Variants in WNK2 observed in about 807,000 individuals in gnomAD.
WNK2 encodes the protein WNK lysine deficient protein kinase 2.
Under a neutral mutation model 192.1 loss-of-function variants are expected in WNK2, and 67 were observed. The observed-to-expected ratio is 0.35, with a 90% CI of 0.29 to 0.43. The LOEUF (loss-of-function observed/expected upper bound fraction) is 0.43, where lower values mean the gene tolerates loss of function less well. Among genes scored for constraint, WNK2 ranks in the 20% least tolerant of loss-of-function variants. The pLI is 1.00. For synonymous variants in WNK2, 1,439 were observed against 1,393.9 expected, an observed-to-expected ratio of 1.03 and a Z score of -0.72; for missense variants, 2,698 against 3,089.7, an observed-to-expected ratio of 0.87 and a Z score of 3.01.
intron 29 of WNK2, chr9:93,318,624 C>A: frequency 6.3e-7 from 1 of 1,587,348 alleles, no homozygotes. Context: ...ACAAGTGCAG[C>A]TCCTCCAGCT....
In WNK2 at chr9:93,261,828, C is replaced by T. The variant is rs989061620; in HGVS notation, c.3081C>T (p.His1027=). 1 of 1,591,760 alleles carries T rather than the reference C, an allele frequency of 6.3e-7. No individual in the cohort carries two copies. Among genetic ancestry groups the T allele is most frequent in the South Asian group, 1.1e-5 (1 of 90,850 alleles). The stretch of plus-strand genomic sequence containing the variant: ...TGTGCCCCCAGATTCTGCTTGGCCA[C>T]CCAGCTCCCTATGCTGTGGACGTCG... ...ATPGSQILLG[H]PAPYAVDVAA... Residue 1027 remains histidine (H), a synonymous_variant, in exon 13 of 30, where the codon CAC becomes CAT. Coordinates refer to ENST00000427277, the MANE Select transcript of WNK2 (RefSeq NM_006648.4).
chr9:93,304,517 C>T lies in WNK2; in HGVS notation c.6215-2260C>T, dbSNP rs545469012. Among the ~76,000 whole-genome samples the T allele has an allele frequency of 2.1e-4, 32 of 152,374 alleles. No individual in the cohort carries two copies. The East Asian group carries it at 5.6e-3, about 27-fold the overall frequency. ...GGCCTGGCTGGGGATGGAAGCCCCA[C>T]AGGGAGACCGAGGTGGGCCTGGCGT... On this transcript the variant is annotated intron_variant, in intron 26 of 29. Coordinates refer to ENST00000427277, the MANE Select transcript of WNK2 (RefSeq NM_006648.4).
At chr9:93,225,965 A>G (rs574242739) in intron 2 of WNK2, among the ~76,000 whole-genome samples, 2 of 149,462 alleles carry the variant, frequency 1.3e-5, no homozygotes, top group South Asian at 4.4e-4. Context: ...TGTGTTGTGG[A>G]AACATTTCTT....
chr9:93,210,516 C>T (rs1202535610), intron 2 of WNK2, among the ~76,000 whole-genome samples: 1 of 152,078 alleles, frequency 6.6e-6, no homozygotes, highest in South Asian at 2.1e-4. Context: ...CCTTCCTGTG[C>T]GCGTGGGTGC....
At position 93,234,764 on chromosome 9, in the gene WNK2, G is replaced by A. The variant is rs376505814; in HGVS notation, c.1076-44G>A. 2.6e-5 allele frequency: 41 copies of A among 1,589,982 alleles called. No individual in the cohort carries two copies. In the African/African-American group the frequency reaches 4.3e-4, roughly 17 times the overall value. ...GGACACTGGCTCCAGCTCTTCCTGG[G>A]CCCGTGGCCAGCTGACAGCTGCGTC... is the stretch of plus-strand genomic sequence containing the variant. On this transcript the variant is annotated intron_variant, in intron 4 of 29. Coordinates refer to ENST00000427277, the MANE Select transcript of WNK2 (RefSeq NM_006648.4).
At chr9:93,295,589 G>A (rs1172927339) in intron 23 of WNK2, among the ~76,000 whole-genome samples, 2 of 151,962 alleles carry the variant, frequency 1.3e-5, no homozygotes, top group Non-Finnish European at 2.9e-5. Context: ...GTGAAGGCAA[G>A]GGGTTACAGG....
At chr9:93,263,884 GC>G in intron 15 of WNK2, 32 bp from the exon 16 acceptor site, 5 of 1,554,710 alleles carry the variant, frequency 3.2e-6, no homozygotes, top group Non-Finnish European at 4.4e-6. Context: ...GTGTGGGTAC[GC>G]CCGTGGTGGG....
chr9:93,264,217 T>C (rs566393376), intron 16 of WNK2, among the ~76,000 whole-genome samples, 184 bp downstream of exon 16: 65 of 152,260 alleles, frequency 4.3e-4, no homozygotes, highest in African/African-American at 1.5e-3. Context: ...CGGAAACCCC[T>C]TGGGTTTGGA....
intron 2 of WNK2, among the ~76,000 whole-genome samples, chr9:93,228,555 G>T (rs1459275734): frequency 6.6e-6 from 1 of 152,194 alleles, no homozygotes; most frequent in Non-Finnish European, 1.5e-5. Flanking sequence ...GTGCAACAGA[G>T]GCAGGCATTG....
chr9:93,248,602 C>T (rs1842118101), intron 8 of WNK2, among the ~76,000 whole-genome samples: 1 of 152,226 alleles, frequency 6.6e-6, no homozygotes, highest in African/African-American at 2.4e-5. Context: ...GGGGACCTCC[C>T]ATCCCCCGTA....
At chr9:93,281,626 A>G (rs138648723) in intron 19 of WNK2, among the ~76,000 whole-genome samples, 8 of 152,312 alleles carry the variant, frequency 5.3e-5, no homozygotes, top group African/African-American at 1.9e-4. Flanking sequence ...AAGTTTGAAG[A>G]GATAATGCAG....
intron 16 of WNK2, 107 bp downstream of exon 16, chr9:93,264,140 C>T (rs980246518): frequency 4.4e-5 from 38 of 870,970 alleles, no homozygotes; most frequent in South Asian, 8.9e-5. Context: ...GTGGAGGTGT[C>T]GGTTGGCCCA....
chr9:93,268,891 G>A (rs1465303984), intron 19 of WNK2, 145 bp downstream of exon 19: 4 of 1,568,188 alleles, frequency 2.6e-6, no homozygotes, highest in Non-Finnish European at 3.5e-6. Flanking sequence ...AGAGCAGCCT[G>A]TGGGGCTGTG....
chr9:93,190,650 C>A (rs556624093), intron 2 of WNK2, among the ~76,000 whole-genome samples: 1 of 152,268 alleles, frequency 6.6e-6, no homozygotes, highest in African/African-American at 2.4e-5. Flanking sequence ...AGCACTGGAA[C>A]CTTCCGTGGT....
chr9:93,255,737 A>G (rs1232259816), intron 9 of WNK2, among the ~76,000 whole-genome samples: 1 of 152,184 alleles, frequency 6.6e-6, no homozygotes, highest in Non-Finnish European at 1.5e-5. Flanking sequence ...TCTGCACAAT[A>G]AGGACTCTCA....
At chr9:93,235,581 T>C (rs1044544423) in intron 5 of WNK2, among the ~76,000 whole-genome samples, 11 of 152,152 alleles carry the variant, frequency 7.2e-5, no homozygotes, top group African/African-American at 2.7e-4. Flanking sequence ...CCCCACTGGG[T>C]GGAGGGAATG....
chr9:93,311,609 T>TTTTTTGTGTGTG (rs754885668), intron 28 of WNK2, among the ~76,000 whole-genome samples: 11 of 30,710 alleles, frequency 3.6e-4, no homozygotes, highest in Non-Finnish European at 7.4e-4. Context: ...CTGGGTTTTT[T>TTTTTTGTGTGTG]TGTTTGTGTG....
intron 12 of WNK2, among the ~76,000 whole-genome samples, chr9:93,261,126 G>T (rs1053813690): frequency 6.6e-6 from 1 of 152,142 alleles, no homozygotes; most frequent in Non-Finnish European, 1.5e-5. Context: ...CTGGGGCTTG[G>T]TATTTCTGAC....
chr9:93,306,902 G>C, intron 27 of WNK2, 81 bp downstream of exon 27: 1 of 1,588,904 alleles, frequency 6.3e-7, no homozygotes, highest in Non-Finnish European at 8.6e-7. Context: ...GGGTTCCCGC[G>C]GCCGGGCGGG....
Sources: allele counts gnomAD v4.1 joint callset (sites outside exome capture counted in the v4.1 genomes callset), GRCh38; gene constraint gnomAD v4.1.1; transcripts MANE v1.5; gene names NCBI Gene and HGNC (gene_info 2026-07-23, HGNC 2026-07-21).